The following MINK1 variants were observed in gnomAD, a reference collection of about 807,000 sequenced individuals.
The protein encoded by MINK1 is misshapen like kinase 1.
Under a neutral mutation model 178.4 loss-of-function variants are expected in MINK1, and 46 were observed. The observed-to-expected ratio is 0.26, with a 90% CI of 0.20 to 0.33. The LOEUF (loss-of-function observed/expected upper bound fraction) is 0.33. MINK1 is among the 10% of genes least tolerant of loss of function. MINK1 has a pLI of 1.00. For missense variants in MINK1, 1,366 were observed against 1,814.9 expected (o/e 0.75, Z 4.49); for synonymous variants, 797 against 709.7 (o/e 1.12, Z -1.96).
chr17:4,866,297 C>T (rs570319145), intron 1 of MINK1, among the ~76,000 whole-genome samples: 11 of 151,984 alleles, frequency 7.2e-5, no homozygotes, highest in Admixed American at 7.2e-4. Context: ...GAAACCCCGT[C>T]TCTACTAAAA....
intron 1 of MINK1, chr17:4,868,745 TC>T: frequency 9.8e-6 from 2 of 204,400 alleles, no homozygotes; most frequent in South Asian, 9.1e-5. Context: ...TGATTTCTTC[TC>T]TTTTTTTTCT....
At chr17:4,861,417 T>C (rs1340784472) in intron 1 of MINK1, among the ~76,000 whole-genome samples, 1 of 152,242 alleles carries the variant, frequency 6.6e-6, no homozygotes, top group Admixed American at 6.5e-5. Context: ...GCGCTCTGTC[T>C]GTTATTCCAG....
In MINK1 at chr17:4,895,999, C is replaced by T. The variant is rs751890583; in HGVS notation, c.3365-4C>T. ...TCAGCATCCCTCTTCTCTCCCGCCC[C>T]CAGTGAAATACGAGCGGATTAAGTT... On this transcript the variant is annotated splice_region_variant and splice_polypyrimidine_tract_variant and intron_variant, in intron 27 of 31. Coordinates refer to ENST00000355280, the MANE Select transcript of MINK1 (RefSeq NM_153827.5). The surrounding 1 kb of genome is among the most constrained non-coding windows in gnomAD (Gnocchi z 4.3). The T allele has an allele frequency of 6.3e-7, 1 of 1,590,934 alleles. No individual in the cohort carries two copies. Among genetic ancestry groups the T allele is most frequent in the Non-Finnish European group, 8.6e-7 (1 of 1,168,736 alleles).
intron 2 of MINK1, 147 bp from the exon 3 acceptor site, chr17:4,880,837 A>T (rs1327136457): frequency 6.1e-6 from 4 of 655,546 alleles, no homozygotes; most frequent in Middle Eastern, 4.7e-4. Flanking sequence ...GAGGTGGAGC[A>T]GGCAGTGAGC....
In MINK1 at chr17:4,894,720, C is replaced by G; in HGVS notation, c.2917+87C>G. On this transcript the variant is annotated intron_variant, in intron 24 of 31. Coordinates refer to ENST00000355280, the MANE Select transcript of MINK1 (RefSeq NM_153827.5). This position sits in a 1 kb window ranked among gnomAD's most constrained non-coding sequence, Gnocchi z 4.1. ...ACAGTGGTCTTGAGACGCAGCCTCA[C>G]AAAGCATAGCCACAGGACCTCTCCC... 1 of 1,039,264 alleles carries G rather than the reference C, an allele frequency of 9.6e-7. No individual in the cohort carries two copies. Among genetic ancestry groups the G allele is most frequent in the Non-Finnish European group, 1.5e-6 (1 of 686,582 alleles). The allele number at this position is 1,039,264 out of a possible 1,614,324, so 64.4% of individuals were successfully genotyped here. A position where few individuals can be genotyped will look rare whatever the true frequency, so the allele number is the denominator to read the frequency against.
intron 1 of MINK1, among the ~76,000 whole-genome samples, chr17:4,843,505 A>G (rs1910566267): frequency 6.6e-6 from 1 of 151,586 alleles, no homozygotes; most frequent in Admixed American, 6.6e-5. Flanking sequence ...AAAGAAAAAG[A>G]AAAAAAAGGA....
In MINK1 at chr17:4,896,354, G is replaced by C. The variant is rs777289230; in HGVS notation, c.3615+12G>C. 1.2e-6 allele frequency: 2 copies of C among 1,600,372 alleles called. No homozygotes were observed. The highest frequency in any genetic ancestry group is 2.2e-5 in the East Asian group (1 of 44,788). On this transcript the variant is annotated intron_variant, in intron 29 of 31. Transcript: ENST00000355280. The surrounding 1 kb of genome is among the most constrained non-coding windows in gnomAD (Gnocchi z 4.6). Reference sequence around the variant, plus strand: ...ACATCCCTGTGCACGTGAGCTTGGCGGGGCTGCTGGGGGAGTGGGATGGCC... The same window carrying C: ...ACATCCCTGTGCACGTGAGCTTGGCCGGGCTGCTGGGGGAGTGGGATGGCC...
At chr17:4,862,653 C>CAA (rs562640414) in intron 1 of MINK1, among the ~76,000 whole-genome samples, 2 of 123,954 alleles carry the variant, frequency 1.6e-5, no homozygotes. Context: ...GAATCCATCT[C>CAA]AAAAAAAAAA....
At chr17:4,858,600 C>T (rs1913580003) in intron 1 of MINK1, among the ~76,000 whole-genome samples, 1 of 151,892 alleles carries the variant, frequency 6.6e-6, no homozygotes, top group Non-Finnish European at 1.5e-5. Flanking sequence ...CCTTACCCTC[C>T]TGAGTAGCTG....
intron 1 of MINK1, among the ~76,000 whole-genome samples, chr17:4,862,399 A>G (rs1233010903): frequency 6.6e-6 from 1 of 152,158 alleles, no homozygotes; most frequent in African/African-American, 2.4e-5. Context: ...TCACGCCTGT[A>G]ATCCCAGCAC....
chr17:4,897,450 A>G lies in MINK1; in HGVS notation c.*163A>G. On this transcript the variant is annotated 3_prime_UTR_variant, in exon 32 of 32. Transcript: ENST00000355280. ...ACCTCTGACCCCTGATGCTTTCGTG[A>G]TCACGTGACCATCCTCTTCCCCAAC... 3.3e-6 allele frequency: 2 copies of G among 611,158 alleles called. No individual in the cohort carries two copies. Among genetic ancestry groups the G allele is most frequent in the South Asian group, 2.0e-5 (1 of 48,824 alleles). 37.9% of individuals were successfully genotyped at this position (611,158 alleles called of 1,614,324 possible).
At position 4,889,376 on chromosome 17, in the gene MINK1, T is replaced by C. The variant is rs143517491; in HGVS notation, c.1231-271T>C. Among the ~76,000 whole-genome samples the C allele has an allele frequency of 1.5e-3, 232 of 152,068 alleles. 1 individual carries two copies. The highest frequency in any genetic ancestry group is 5.3e-3 in the African/African-American group (218 of 41,486). ...GGCTTTGGTTTGTTGTTTGGTGGGG[T>C]GTGGGGAGTGGAAGGTGTTGTCTAG... On this transcript the variant is annotated intron_variant, in intron 12 of 31. Coordinates refer to ENST00000355280, the MANE Select transcript of MINK1 (RefSeq NM_153827.5).
At chr17:4,891,198 G>GCACA (rs1375582286) in intron 15 of MINK1, 74 bp downstream of exon 15, 18 of 1,129,348 alleles carry the variant, frequency 1.6e-5, no homozygotes, top group South Asian at 6.5e-5. Context: ...ACACACACGC[G>GCACA]CGCACACACA....
At chr17:4,835,101 T>C (rs1256795513) in intron 1 of MINK1, among the ~76,000 whole-genome samples, 2 of 152,028 alleles carry the variant, frequency 1.3e-5, no homozygotes, top group Non-Finnish European at 2.9e-5. Context: ...CACATGTGTG[T>C]GTGTTGATGA....
Position 4,896,641 on chromosome 17 carries a change from C to T in MINK1, c.3776-33C>T, listed in dbSNP as rs142924453. ...CATGCCCCGAGGTGGCCCCGGGGTGCAGCCTGCTCAGCCCCTCACCTGTTC... is the reference window on the plus strand; with the variant it reads ...CATGCCCCGAGGTGGCCCCGGGGTGTAGCCTGCTCAGCCCCTCACCTGTTC... On this transcript the variant is annotated intron_variant, in intron 30 of 31. Coordinates refer to ENST00000355280, the MANE Select transcript of MINK1 (RefSeq NM_153827.5). This position sits in a 1 kb window ranked among gnomAD's most constrained non-coding sequence, Gnocchi z 4.6. 2.5e-6 allele frequency: 4 copies of T among 1,607,634 alleles called. No homozygotes were observed. The East Asian group carries it at 8.9e-5, about 36-fold the overall frequency.
chr17:4,891,027 A>C lies in MINK1; in HGVS notation c.1643A>C (p.Glu548Ala). 1 of 1,558,356 alleles carries C rather than the reference A, an allele frequency of 6.4e-7. No homozygotes were observed. Among genetic ancestry groups the C allele is most frequent in the Non-Finnish European group, 8.7e-7 (1 of 1,151,252 alleles). The change falls in exon 15 of 32, where the codon GAG (glutamate) becomes GCG (alanine). Residue 548 changes from glutamate to alanine, a missense_variant. Physicochemically the swap from Glu to Ala is moderately radical, Grantham distance 107. Coordinates refer to ENST00000355280, the MANE Select transcript of MINK1 (RefSeq NM_153827.5). ...AGCAAGCCAGGCAGCACGGGGCCTG[A>C]GCCCCCCATCCCCCAGGCCTCCCCA... ...AKSKPGSTGP[E>A]PPIPQASPGP...
intron 4 of MINK1, among the ~76,000 whole-genome samples, chr17:4,883,698 CTTT>C (rs35648380): frequency 6.5e-5 from 8 of 123,076 alleles, no homozygotes; most frequent in Admixed American, 8.3e-5. Flanking sequence ...CGCCCGGCTA[CTTT>C]TTTTTTTTTT....
intron 13 of MINK1, chr17:4,890,138 C>T (rs1334744357): frequency 7.0e-6 from 4 of 570,452 alleles, no homozygotes; most frequent in African/African-American, 1.9e-5. Context: ...TCCCTTCCTC[C>T]TTCTCCAACT....
At position 4,893,052 on chromosome 17, in the gene MINK1, G is replaced by C; in HGVS notation, c.2385G>C (p.Arg795=). The C allele has an allele frequency of 1.3e-6, 2 of 1,566,434 alleles. No individual in the cohort carries two copies. The highest frequency in any genetic ancestry group is 2.4e-5 in the South Asian group (2 of 85,056). Reference sequence around the variant, plus strand: ...CCAAGCCCGACGACCACCGCTCACGGCCAGGCCGGCCCGCAGTGAGTCACC... The same window carrying C: ...CCAAGCCCGACGACCACCGCTCACGCCCAGGCCGGCCCGCAGTGAGTCACC... ...NKAKPDDHRS[R]PGRPADFVLL... is the part of the protein sequence containing the mutation. The change falls in exon 20 of 32, where the codon CGG becomes CGC. Residue 795 remains arginine (R), a synonymous_variant. Transcript: ENST00000355280.
Sources: allele counts gnomAD v4.1 joint callset (sites outside exome capture counted in the v4.1 genomes callset), GRCh38; gene constraint gnomAD v4.1.1; non-coding constraint Gnocchi (gnomAD v3.1); transcripts MANE v1.5; gene names NCBI Gene and HGNC (gene_info 2026-07-23, HGNC 2026-07-21).